ZFP2: variants seen among roughly 807,000 people sequenced by gnomAD.
The protein encoded by ZFP2 is zinc finger protein ZFP2.
A neutral mutation model predicts 36.1 loss-of-function variants in ZFP2; 33 were observed. The observed-to-expected ratio is 0.92, with a 90% CI of 0.69 to 1.22. The LOEUF is 1.22. ZFP2 is among the 50% of genes most tolerant of loss of function. The probability of loss-of-function intolerance (pLI) is 0.00; values close to 1 mark genes in which losing one functional copy is unlikely to be tolerated. For missense variants in ZFP2, 522 were observed against 551.4 expected (o/e 0.95, Z 0.53); for synonymous variants, 170 against 178.0 (o/e 0.96, Z 0.36).
chr5:178,902,209 A>G (rs907228567), intron 1 of ZFP2, among the ~76,000 whole-genome samples: 5 of 152,136 alleles, frequency 3.3e-5, no homozygotes, highest in African/African-American at 4.8e-5. Context: ...CTTCCTGTAT[A>G]CACACACATG....
intron 4 of ZFP2, among the ~76,000 whole-genome samples, chr5:178,930,982 A>G (rs1758815118): frequency 6.6e-6 from 1 of 151,590 alleles, no homozygotes; most frequent in Non-Finnish European, 1.5e-5. Context: ...GAATGGGCTC[A>G]CTCTTTTCTC....
In ZFP2 at chr5:178,931,728, T is replaced by C; in HGVS notation, c.415T>C (p.Phe139Leu). 6.2e-7 allele frequency: 1 copy of C among 1,614,134 alleles called. No individual in the cohort carries two copies. Among genetic ancestry groups the C allele is most frequent in the African/African-American group, 1.3e-5 (1 of 75,032 alleles). ...PYKCNVCGKH[F>L]IERSSLTVHQ... ...TAAGTGTAATGTATGTGGGAAACAC[T>C]TCATTGAACGATCCTCCCTTACTGT... The change falls in exon 5 of 5, where the codon TTC becomes CTC. Residue 139 changes from phenylalanine to leucine, a missense_variant. Transcript: ENST00000361362.
chr5:178,897,042 C>CTT (rs3986659), intron 1 of ZFP2, among the ~76,000 whole-genome samples: 29,673 of 147,654 alleles, frequency 0.2, 3,388 homozygotes, highest in Non-Finnish European at 0.25. Context: ...TTTCTTTTTT[C>CTT]TTTTTTTTTT....
intron 1 of ZFP2, among the ~76,000 whole-genome samples, chr5:178,902,952 A>G (rs72816613): frequency 0.19 from 28,859 of 152,172 alleles, 2,990 homozygotes; most frequent in Non-Finnish European, 0.24. Context: ...TTATGTGGGC[A>G]TATCATAGTT....
intron 1 of ZFP2, 130 bp from the exon 2 acceptor site, chr5:178,912,454 G>C (rs1246783171): frequency 6.4e-6 from 1 of 156,908 alleles, no homozygotes; most frequent in Admixed American, 6.6e-5. Context: ...CGTGATTGGT[G>C]GCAGACATTT....
intron 4 of ZFP2, among the ~76,000 whole-genome samples, chr5:178,928,272 T>C (rs1356006593): frequency 6.6e-6 from 1 of 152,144 alleles, no homozygotes; most frequent in African/African-American, 2.4e-5. Context: ...CATTTCAAAA[T>C]ACAATCTTGC....
chr5:178,901,186 C>G (rs1758050994), intron 1 of ZFP2, among the ~76,000 whole-genome samples: 2 of 152,040 alleles, frequency 1.3e-5, no homozygotes, highest in African/African-American at 2.4e-5. Context: ...GGGTAAATAC[C>G]TAGGTCAAGT....
At position 178,932,914 on chromosome 5, in the gene ZFP2, A is replaced by G. The variant is rs1758878875; in HGVS notation, c.*215A>G. On this transcript the variant is annotated 3_prime_UTR_variant, in exon 5 of 5. Coordinates refer to ENST00000361362, the MANE Select transcript of ZFP2 (RefSeq NM_030613.4). ...ATTTCCTTTATATCAGAAGGTTTAA[A>G]TAGCTAATATAAACAATGAAGAGTC... 3 of 564,440 alleles carry G rather than the reference A, an allele frequency of 5.3e-6. No homozygotes were observed. Among genetic ancestry groups the G allele is most frequent in the Non-Finnish European group, 9.0e-6 (3 of 333,274 alleles). The allele number at this position is 564,440 out of a possible 1,614,324, so 35.0% of individuals were successfully genotyped here.
Position 178,931,791 on chromosome 5 carries a change from T to G in ZFP2, c.478T>G (p.Cys160Gly). Residue 160 changes from cysteine to glycine, a missense_variant, in exon 5 of 5, where the codon TGT becomes GGT. By Grantham distance (159) the Cys-to-Gly change is radical (BLOSUM62 -3). Transcript: ENST00000361362. ...TCATACTGGAGAGAAACCCTATAAATGTAATGAATGTGGGAAAGCCTTTAG... is the reference window on the plus strand; with the variant it reads ...TCATACTGGAGAGAAACCCTATAAAGGTAATGAATGTGGGAAAGCCTTTAG... ...RIHTGEKPYK[C>G]NECGKAFSQS... is the part of the protein sequence containing the mutation. 6.2e-7 allele frequency: 1 copy of G among 1,614,104 alleles called. No homozygotes were observed. Among genetic ancestry groups the G allele is most frequent in the Non-Finnish European group, 8.5e-7 (1 of 1,180,004 alleles).
chr5:178,932,598 C>T lies in ZFP2; in HGVS notation c.1285C>T (p.Gln429Ter). The T allele has an allele frequency of 6.2e-7, 1 of 1,614,100 alleles. No individual in the cohort carries two copies. The highest frequency in any genetic ancestry group is 8.5e-7 in the Non-Finnish European group (1 of 1,180,022). Reference protein sequence around the residue: ...FIKNSSLTVHQRTHTGEKPYQ... With the variant: ...FIKNSSLTVH ...TAAGAATTCATCCCTTACAGTGCAT[C>T]AGAGAACTCATACAGGAGAGAAACC... Residue 429 changes from glutamine (Q) to a stop codon, truncating the protein, a stop_gained, in exon 5 of 5, where the codon CAG becomes TAG. Coordinates refer to ENST00000361362, the MANE Select transcript of ZFP2 (RefSeq NM_030613.4). LOFTEE classifies it high-confidence loss of function.
chr5:178,906,023 G>C (rs1032549079), intron 1 of ZFP2, among the ~76,000 whole-genome samples: 1 of 152,160 alleles, frequency 6.6e-6, no homozygotes, highest in Non-Finnish European at 1.5e-5. Flanking sequence ...CCAAAGTGCT[G>C]GTATTACAGG....
chr5:178,917,000 G>A (rs186692310), intron 4 of ZFP2, among the ~76,000 whole-genome samples: 1 of 152,238 alleles, frequency 6.6e-6, no homozygotes, highest in East Asian at 1.9e-4. Context: ...TTTTACAAAA[G>A]ATGAATAGAA....
intron 1 of ZFP2, among the ~76,000 whole-genome samples, chr5:178,904,666 A>G (rs1758129649): frequency 8.5e-6 from 1 of 117,482 alleles, no homozygotes. Context: ...GTACCACACT[A>G]TTGTATTTGT....
intron 3 of ZFP2, among the ~76,000 whole-genome samples, chr5:178,913,538 G>A (rs1226450974): frequency 6.6e-6 from 1 of 152,012 alleles, no homozygotes; most frequent in Non-Finnish European, 1.5e-5. Flanking sequence ...CCTCTGCATT[G>A]TGTGAGAGAG....
chr5:178,899,099 C>T (rs1757995312), intron 1 of ZFP2, among the ~76,000 whole-genome samples: 1 of 151,574 alleles, frequency 6.6e-6, no homozygotes. Context: ...TAGTGTTTGC[C>T]CATCTCAGGG....
chr5:178,930,551 C>T (rs1758806295), intron 4 of ZFP2, among the ~76,000 whole-genome samples: 1 of 152,026 alleles, frequency 6.6e-6, no homozygotes, highest in South Asian at 2.1e-4. Flanking sequence ...GAACTCCTGA[C>T]CTCAAGTGAT....
intron 3 of ZFP2, chr5:178,913,867 T>C (rs1413947178): frequency 6.7e-6 from 1 of 149,750 alleles, no homozygotes; most frequent in Non-Finnish European, 1.5e-5. Flanking sequence ...TCTTTTTTTT[T>C]TTTTTTTGAG....
At chr5:178,928,518 G>A (rs1296322426) in intron 4 of ZFP2, among the ~76,000 whole-genome samples, 1 of 152,202 alleles carries the variant, frequency 6.6e-6, no homozygotes, top group East Asian at 1.9e-4. Flanking sequence ...GAAACCATCA[G>A]GGCAGTCATT....
At chr5:178,908,916 TGTCTGGG>T (rs1758229791) in intron 1 of ZFP2, among the ~76,000 whole-genome samples, 2 of 152,288 alleles carry the variant, frequency 1.3e-5, no homozygotes, top group South Asian at 2.1e-4. Flanking sequence ...TCTTGGAACG[TGTCTGGG>T]GTCTGGGGTC....
Sources: gnomAD v4.1 joint callset for allele counts (sites outside exome capture counted in the v4.1 genomes callset) on GRCh38, gnomAD v4.1.1 for gene constraint, MANE v1.5 for transcripts, NCBI Gene and HGNC (gene_info 2026-07-23, HGNC 2026-07-21) for gene names.